The following CCDC158 variants were observed in gnomAD, a reference collection of about 807,000 sequenced individuals.
CCDC158 encodes the protein coiled-coil domain containing 158.
Under a neutral mutation model 138.6 loss-of-function variants are expected in CCDC158, and 116 were observed. The observed-to-expected ratio is 0.84, with a 90% CI of 0.72 to 0.98. The LOEUF is 0.98. CCDC158 is among the 50% of genes least tolerant of loss of function. The pLI is 0.00. For synonymous variants in CCDC158, 436 were observed against 442.4 expected (o/e 0.99, Z 0.18); for missense variants, 1,265 against 1,306.1 (o/e 0.97, Z 0.48).
At chr4:76,350,617 T>A (rs2110168395) in intron 18 of CCDC158, among the ~76,000 whole-genome samples, 1 of 152,314 alleles carries the variant, frequency 6.6e-6, no homozygotes, top group South Asian at 2.1e-4. Context: ...ATTAATAAAA[T>A]TCTGTTATAA....
chr4:76,320,366 CA>C (rs1193073020), intron 24 of CCDC158, among the ~76,000 whole-genome samples: 1 of 152,144 alleles, frequency 6.6e-6, no homozygotes, highest in East Asian at 1.9e-4. Context: ...ATCATACTGC[CA>C]AAAGCAATCT....
At chr4:76,316,157 C>T (rs1719367118) in intron 24 of CCDC158, among the ~76,000 whole-genome samples, 1 of 152,130 alleles carries the variant, frequency 6.6e-6, no homozygotes. Flanking sequence ...GTTGATTAAG[C>T]TACTCATGGA....
At chr4:76,367,815 G>A (rs1279547552) in intron 11 of CCDC158, 39 bp from the exon 12 acceptor site, 1 of 1,560,522 alleles carries the variant, frequency 6.4e-7, no homozygotes, top group South Asian at 1.2e-5. Flanking sequence ...AGATTTGGGA[G>A]GATAGGTATA....
At chr4:76,385,862 T>C (rs1579046449) in intron 4 of CCDC158, among the ~76,000 whole-genome samples, 2 of 152,118 alleles carry the variant, frequency 1.3e-5, no homozygotes, top group East Asian at 3.9e-4. Flanking sequence ...ATGTTAAAGA[T>C]GAAATTCAAG....
chr4:76,326,112 CA>C (rs1720510390), intron 22 of CCDC158, 97 bp from the exon 23 acceptor site: 1 of 995,668 alleles, frequency 1.0e-6, no homozygotes, highest in African/African-American at 1.6e-5. Flanking sequence ...AAAATGTTCC[CA>C]ATGGTGGAGG....
intron 9 of CCDC158, among the ~76,000 whole-genome samples, chr4:76,371,980 A>C (rs1333248027): frequency 2.0e-5 from 3 of 150,894 alleles, no homozygotes. Flanking sequence ...TGTCTTGTAA[A>C]GTTTTTTTTT....
chr4:76,399,829 A>G (rs1002356771), intron 3 of CCDC158, among the ~76,000 whole-genome samples: 2 of 152,194 alleles, frequency 1.3e-5, no homozygotes, highest in Non-Finnish European at 2.9e-5. Context: ...ATGAATGAGC[A>G]GGGTGATTTC....
intron 3 of CCDC158, among the ~76,000 whole-genome samples, chr4:76,400,545 A>G (rs1007880244): frequency 3.3e-5 from 5 of 151,976 alleles, no homozygotes; most frequent in Admixed American, 6.6e-5. Flanking sequence ...CTAGAACTTA[A>G]AGTATAATAG....
upstream of CCDC158, among the ~76,000 whole-genome samples, chr4:76,421,369 G>A (rs1232951785): frequency 6.6e-6 from 1 of 151,986 alleles, no homozygotes; most frequent in Non-Finnish European, 1.5e-5. Context: ...CCGCCCGGGC[G>A]CCCTAAGGAG....
At position 76,382,602 on chromosome 4, in the gene CCDC158, C is replaced by T. The variant is rs778206993; in HGVS notation, c.914+8G>A. On this transcript the variant is annotated splice_region_variant and intron_variant, in intron 8 of 24. Coordinates refer to ENST00000682701, the MANE Select transcript of CCDC158 (RefSeq NM_001394954.1). ...AAGATGAATGACTAACAGTTTCAAACCACATACTGAATGATTTCCATTTGA... is the reference window on the plus strand; with the variant it reads ...AAGATGAATGACTAACAGTTTCAAATCACATACTGAATGATTTCCATTTGA... 2.6e-6 allele frequency: 4 copies of T among 1,547,802 alleles called. No homozygotes were observed. Among genetic ancestry groups the T allele is most frequent in the East Asian group, 4.5e-5 (2 of 44,434 alleles).
At chr4:76,401,383 G>A (rs1728374365) in intron 3 of CCDC158, 1 of 501,902 alleles carries the variant, frequency 2.0e-6, no homozygotes, top group Non-Finnish European at 3.9e-6. Flanking sequence ...ATGACAGGAA[G>A]CAGAGTGGCT....
intron 4 of CCDC158, among the ~76,000 whole-genome samples, chr4:76,386,339 A>T (rs1255208659): frequency 6.6e-6 from 1 of 152,250 alleles, no homozygotes; most frequent in African/African-American, 2.4e-5. Flanking sequence ...GCTGATTCAC[A>T]CTTCAGCTGT....
At chr4:76,337,948 G>C (rs1445954680) in intron 18 of CCDC158, among the ~76,000 whole-genome samples, 2 of 152,110 alleles carry the variant, frequency 1.3e-5, no homozygotes, top group Non-Finnish European at 2.9e-5. Context: ...GTGAGGAATG[G>C]GGCCACACAG....
intron 3 of CCDC158, among the ~76,000 whole-genome samples, chr4:76,396,763 C>G (rs1181358278): frequency 6.6e-6 from 1 of 152,112 alleles, no homozygotes; most frequent in Non-Finnish European, 1.5e-5. Flanking sequence ...GACCTCCTGA[C>G]CTCAGGTGAG....
intron 23 of CCDC158, among the ~76,000 whole-genome samples, chr4:76,324,193 TTTC>T (rs1411711381): frequency 5.7e-4 from 87 of 151,328 alleles, no homozygotes; most frequent in African/African-American, 2.0e-3. Context: ...TCTTGGAGAG[TTTC>T]TTTTTTTTTT....
At chr4:76,316,304 T>C (rs1719379838) in intron 24 of CCDC158, among the ~76,000 whole-genome samples, 1 of 151,918 alleles carries the variant, frequency 6.6e-6, no homozygotes, top group Non-Finnish European at 1.5e-5. Context: ...CTTATAGAAA[T>C]ACAAAATGCA....
At chr4:76,342,989 A>T (rs1462369411) in intron 18 of CCDC158, among the ~76,000 whole-genome samples, 1 of 152,182 alleles carries the variant, frequency 6.6e-6, no homozygotes, top group Non-Finnish European at 1.5e-5. Flanking sequence ...TACTCAGGTG[A>T]TTACTCATTC....
At chr4:76,388,356 T>C (rs9996354) in intron 4 of CCDC158, among the ~76,000 whole-genome samples, 4,414 of 152,032 alleles carry the variant, frequency 0.029, 217 homozygotes, top group African/African-American at 0.1. Context: ...GAAGGGAACC[T>C]AGTGCCCTAA....
chr4:76,409,839 TAAATAA>T (rs970192351), intron 2 of CCDC158, among the ~76,000 whole-genome samples: 2 of 149,948 alleles, frequency 1.3e-5, no homozygotes, highest in African/African-American at 2.5e-5. Flanking sequence ...AAAAAATAAA[TAAATAA>T]AAATAAAAAT....
Sources: gnomAD v4.1 joint callset for allele counts (sites outside exome capture counted in the v4.1 genomes callset) on GRCh38, gnomAD v4.1.1 for gene constraint, MANE v1.5 for transcripts, NCBI Gene and HGNC (gene_info 2026-07-23, HGNC 2026-07-21) for gene names.